The following ALDH18A1 variants were observed in gnomAD, a reference collection of about 807,000 sequenced individuals.
ALDH18A1 encodes aldehyde dehydrogenase 18 family member A1, also known as delta-1-pyrroline-5-carboxylate synthase.
Under a neutral mutation model 88.8 loss-of-function variants are expected in ALDH18A1, and 44 were observed. The observed-to-expected ratio is 0.50, with a 90% CI of 0.39 to 0.64. ALDH18A1 has a LOEUF of 0.64. ALDH18A1 is among the 30% of genes least tolerant of loss of function. ALDH18A1 has a pLI of 0.00. For synonymous variants in ALDH18A1, 331 were observed against 372.1 expected (o/e 0.89, Z 1.27); for missense variants, 782 against 1,009.5 (o/e 0.77, Z 3.05).
At chr10:95,645,981 T>A (rs922567932) in intron 2 of ALDH18A1, among the ~76,000 whole-genome samples, 1 of 152,206 alleles carries the variant, frequency 6.6e-6, no homozygotes, top group Non-Finnish European at 1.5e-5. Flanking sequence ...TTAAAAGTTG[T>A]ATGCCTAATG....
intron 2 of ALDH18A1, among the ~76,000 whole-genome samples, chr10:95,652,465 C>T (rs1163912162): frequency 6.6e-6 from 1 of 152,224 alleles, no homozygotes; most frequent in East Asian, 1.9e-4. Context: ...GGCACAGTGG[C>T]TAACGCCTGT....
intron 17 of ALDH18A1, among the ~76,000 whole-genome samples, chr10:95,607,296 G>C (rs190782089): frequency 6.6e-6 from 1 of 152,198 alleles, no homozygotes; most frequent in Non-Finnish European, 1.5e-5. Context: ...GTACGACAAT[G>C]TTTACCATGA....
chr10:95,636,328 T>C (rs1340517458), intron 5 of ALDH18A1, among the ~76,000 whole-genome samples: 1 of 152,218 alleles, frequency 6.6e-6, no homozygotes, highest in Admixed American at 6.5e-5. Flanking sequence ...ATAAAATAAT[T>C]TGGGAGTTAG....
chr10:95,607,748 G>T (rs556900899), intron 17 of ALDH18A1, among the ~76,000 whole-genome samples: 2 of 152,310 alleles, frequency 1.3e-5, no homozygotes, highest in East Asian at 3.9e-4. Context: ...TGGAGCTGGG[G>T]ACACGCTGGG....
chr10:95,607,976 T>C (rs1369427789), intron 17 of ALDH18A1, among the ~76,000 whole-genome samples: 1 of 152,354 alleles, frequency 6.6e-6, no homozygotes, highest in Admixed American at 6.5e-5. Context: ...ACAGACCACA[T>C]GACTTTGGAC....
rs374652686 is a variant in ALDH18A1, at chr10:95,621,016, G to A, written c.1467+15C>T. On this transcript the variant is annotated intron_variant, in intron 12 of 17. Transcript: ENST00000371224. The stretch of plus-strand genomic sequence containing the variant: ...CCAATGGCAGGGTATTTATTCTCCC[G>A]GGGTATATACACACCTGGGGTAGAC... 5.3e-5 allele frequency: 86 copies of A among 1,611,284 alleles called. 1 individual carries two copies. Among genetic ancestry groups the A allele is most frequent in the Admixed American group, 1.8e-4 (11 of 59,946 alleles).
At chr10:95,626,799 C>T in intron 9 of ALDH18A1, 23 bp from the exon 10 acceptor site, 5 of 1,613,386 alleles carry the variant, frequency 3.1e-6, no homozygotes, top group Non-Finnish European at 4.2e-6. Context: ...GTGCAAATAT[C>T]AGGTCATGGT....
chr10:95,626,863 C>T, intron 9 of ALDH18A1, 87 bp from the exon 10 acceptor site: 1 of 1,382,970 alleles, frequency 7.2e-7, no homozygotes, highest in South Asian at 1.2e-5. Context: ...CCAGCACATG[C>T]ACAAGCTCAT....
chr10:95,630,166 G>A (rs370344919), intron 7 of ALDH18A1, among the ~76,000 whole-genome samples: 9 of 152,066 alleles, frequency 5.9e-5, no homozygotes, highest in South Asian at 2.1e-4. Context: ...GCTGCAGTGC[G>A]GTGGCATGAT....
At position 95,610,021 on chromosome 10, in the gene ALDH18A1, C is replaced by G. The variant is rs1423599543; in HGVS notation, c.2206+176G>C. 2.0e-5 allele frequency among the ~76,000 whole-genome samples: 3 copies of G among 152,084 alleles called. 1 individual carries two copies. Among genetic ancestry groups the G allele is most frequent in the Non-Finnish European group, 4.4e-5 (3 of 68,004 alleles). On this transcript the variant is annotated intron_variant, in intron 17 of 17. Transcript: ENST00000371224. ...CTGACCTCAGGTGATCCACCCACCT[C>G]GGCCTCCCAAAGTGCTGGGATTACA...
At chr10:95,656,569 C>T (rs2097918458) in intron 1 of ALDH18A1, 28 bp downstream of exon 1, 1 of 152,490 alleles carries the variant, frequency 6.6e-6, no homozygotes, top group Admixed American at 6.5e-5. Context: ...ACGCGGGCGC[C>T]TAGCCATCCC....
At chr10:95,654,707 G>A (rs915734809) in intron 1 of ALDH18A1, among the ~76,000 whole-genome samples, 4 of 150,658 alleles carry the variant, frequency 2.7e-5, no homozygotes, top group African/African-American at 9.8e-5. Flanking sequence ...ATGGCATCTA[G>A]TAGGCAACAG....
chr10:95,655,626 G>A (rs200092731), intron 1 of ALDH18A1, among the ~76,000 whole-genome samples: 14 of 10,160 alleles, frequency 1.4e-3, no homozygotes, highest in Non-Finnish European at 7.8e-3. Context: ...TGACTGACCA[G>A]GCAGAGTGTA....
intron 2 of ALDH18A1, among the ~76,000 whole-genome samples, chr10:95,648,927 CTAG>C (rs2139656962): frequency 6.6e-6 from 1 of 152,310 alleles, no homozygotes; most frequent in East Asian, 1.9e-4. Flanking sequence ...AGCAGAAGGG[CTAG>C]TTTTAAAAAC....
intron 14 of ALDH18A1, 35 bp from the exon 15 acceptor site, chr10:95,613,898 A>T (rs1366791415): frequency 6.2e-7 from 1 of 1,614,054 alleles, no homozygotes; most frequent in Non-Finnish European, 8.5e-7. Flanking sequence ...GTTTCCATTG[A>T]CATGATCCAG....
intron 7 of ALDH18A1, among the ~76,000 whole-genome samples, chr10:95,629,770 G>T (rs995271609): frequency 6.6e-6 from 1 of 152,018 alleles, no homozygotes; most frequent in Non-Finnish European, 1.5e-5. Context: ...TTAAAATTCA[G>T]ATACTGTTCT....
At position 95,637,451 on chromosome 10, in the gene ALDH18A1, A is replaced by T; in HGVS notation, c.304-15T>A. 6.2e-7 allele frequency: 1 copy of T among 1,613,940 alleles called. No individual in the cohort carries two copies. Among genetic ancestry groups the T allele is most frequent in the Non-Finnish European group, 8.5e-7 (1 of 1,180,006 alleles). On this transcript the variant is annotated splice_polypyrimidine_tract_variant and intron_variant, in intron 3 of 17. Coordinates refer to ENST00000371224, the MANE Select transcript of ALDH18A1 (RefSeq NM_002860.4). Reference sequence around the variant, plus strand: ...AGCACTGATACCTGGGCATTGAGAAAGGAAAGGGGACTGTAAGTTACCGTA... The same window carrying T: ...AGCACTGATACCTGGGCATTGAGAATGGAAAGGGGACTGTAAGTTACCGTA...
chr10:95,646,223 A>C (rs2097901077), intron 2 of ALDH18A1, among the ~76,000 whole-genome samples: 3 of 152,142 alleles, frequency 2.0e-5, no homozygotes, highest in Admixed American at 6.5e-5. Context: ...GCAGCCTGAG[A>C]GGGTACCTCA....
At chr10:95,628,781 C>G (rs1030750930) in intron 7 of ALDH18A1, 15 of 407,344 alleles carry the variant, frequency 3.7e-5, no homozygotes, top group Non-Finnish European at 6.5e-5. Context: ...GCCCATATTC[C>G]TGGCAAGGTG....
Sources: allele counts gnomAD v4.1 joint callset (sites outside exome capture counted in the v4.1 genomes callset), GRCh38; gene constraint gnomAD v4.1.1; transcripts MANE v1.5; gene names NCBI Gene and HGNC (gene_info 2026-07-23, HGNC 2026-07-21).